The following LY9 variants were observed in gnomAD, a reference collection of about 807,000 sequenced individuals.
The protein encoded by LY9 is T-lymphocyte surface antigen Ly-9.
Under a neutral mutation model 64.6 loss-of-function variants are expected in LY9, and 59 were observed. The ratio of observed to expected loss-of-function variants is 0.91; its 90% CI spans 0.74 to 1.13. LY9 has a LOEUF of 1.13. LY9 is among the 50% of genes most tolerant of loss of function. LY9 has a pLI of 0.00. For synonymous variants in LY9, 281 were observed against 308.5 expected (o/e 0.91, Z 0.93); for missense variants, 789 against 797.2 (o/e 0.99, Z 0.12).
intron 2 of LY9, among the ~76,000 whole-genome samples, chr1:160,809,294 A>T (rs1173840187): frequency 1.3e-5 from 2 of 151,494 alleles, no homozygotes; most frequent in African/African-American, 4.9e-5. Context: ...AGCTGGGACT[A>T]CAGGTACTTG....
intron 2 of LY9, chr1:160,802,306 ACCCATTT>A (rs1396033142): frequency 1.0e-6 from 1 of 989,474 alleles, no homozygotes; most frequent in East Asian, 1.1e-4. Flanking sequence ...CGCACACTGC[ACCCATTT>A]CCTGGATGTC....
chr1:160,806,980 T>G (rs1667045914), intron 2 of LY9, among the ~76,000 whole-genome samples: 1 of 152,214 alleles, frequency 6.6e-6, no homozygotes, highest in Non-Finnish European at 1.5e-5. Context: ...GTCTTCAAGT[T>G]GTGAGATTCT....
rs139275537 is a variant in LY9 at position 160,824,498 on chromosome 1, C to T, written c.1899+249C>T. ...TATGTTGGTTATTTTTAACACTGACCTGAATGACAGCTTATACACTCAAAC... is the reference window on the plus strand; with the variant it reads ...TATGTTGGTTATTTTTAACACTGACTTGAATGACAGCTTATACACTCAAAC... On this transcript the variant is annotated intron_variant, in intron 9 of 9. Transcript: ENST00000263285. The T allele has an allele frequency of 1.5e-3, 1,514 of 985,034 alleles. 21 individuals carry two copies. The South Asian group carries it at 0.035, about 23-fold the overall frequency. The allele number at this position is 985,034 out of a possible 1,614,324, so 61.0% of individuals were successfully genotyped here. A position where few individuals can be genotyped will look rare whatever the true frequency, so the allele number is the denominator to read the frequency against.
rs542508935 is a variant in LY9, at chr1:160,797,482, T to G, written c.124+1171T>G. On this transcript the variant is annotated intron_variant, in intron 1 of 9. Transcript: ENST00000263285. ...GGCTGTTTATGTTTACCTCCAACCT[T>G]TGGGGTGTTCCTTGATTGTGTTGAG... Among the ~76,000 whole-genome samples, 204 of 152,302 alleles carry G rather than the reference T, an allele frequency of 1.3e-3. 9 individuals are homozygous for G. The South Asian group carries it at 0.041, about 31-fold the overall frequency.
At position 160,816,882 on chromosome 1, in the gene LY9, T is replaced by C. The variant is rs778962613; in HGVS notation, c.1342+19T>C. 6.2e-7 allele frequency: 1 copy of C among 1,613,772 alleles called. No homozygotes were observed. Among genetic ancestry groups the C allele is most frequent in the Admixed American group, 1.7e-5 (1 of 60,014 alleles). ...TGTTCAGGTTTCTCTCCATCTCTAT[T>C]TACTCAGGTCACAGGACCTTGGGGC... is the stretch of plus-strand genomic sequence containing the variant. On this transcript the variant is annotated intron_variant, in intron 5 of 9. Transcript: ENST00000263285.
chr1:160,801,735 T>A, intron 2 of LY9: 1 of 1,361,820 alleles, frequency 7.3e-7, no homozygotes, highest in Non-Finnish European at 1.0e-6. Flanking sequence ...TTTTATATGA[T>A]GAGAAATAGG....
intron 2 of LY9, among the ~76,000 whole-genome samples, chr1:160,801,284 A>AT (rs1460561173): frequency 6.6e-6 from 1 of 151,854 alleles, no homozygotes; most frequent in Non-Finnish European, 1.5e-5. Context: ...TCTCATTGTG[A>AT]TTTTGATTTG....
At chr1:160,802,599 T>G (rs1666608266) in intron 2 of LY9, 1 of 985,476 alleles carries the variant, frequency 1.0e-6, no homozygotes. Context: ...TAGCTGCCAG[T>G]GTACACGTGT....
In LY9 at chr1:160,809,453, C is replaced by T. The variant is rs535725097; in HGVS notation, c.455-4183C>T. ...CTCCTGGACTCAAGCTGTCCCCTTC[C>T]CTCAACCTCCCAAGTAGCTGGGACT... On this transcript the variant is annotated intron_variant, in intron 2 of 9. Transcript: ENST00000263285. Among the ~76,000 whole-genome samples, 125 of 152,052 alleles carry T rather than the reference C, an allele frequency of 8.2e-4. 1 individual carries two copies. Among genetic ancestry groups the T allele is most frequent in the Non-Finnish European group, 1.6e-3 (108 of 67,998 alleles).
At position 160,820,030 on chromosome 1, in the gene LY9, G is replaced by A. The variant is rs559709775; in HGVS notation, c.1498+656G>A. ...TCCTTAGAGATGGTCACCAGAGCTA[G>A]GAGAGGCAGTCTGTCCCCCAGGGTC... On this transcript the variant is annotated intron_variant, in intron 7 of 9. Transcript: ENST00000263285. Among the ~76,000 whole-genome samples the A allele has an allele frequency of 2.6e-5, 4 of 152,260 alleles. No individual in the cohort carries two copies. The South Asian group carries it at 8.3e-4, about 32-fold the overall frequency.
At chr1:160,796,435 C>A in intron 1 of LY9, 124 bp downstream of exon 1, 2 of 1,217,580 alleles carry the variant, frequency 1.6e-6, no homozygotes, top group Non-Finnish European at 2.3e-6. Flanking sequence ...ACTCTGTTGC[C>A]AGGCTGGAGT....
chr1:160,812,527 C>T (rs2101792457), intron 2 of LY9: 1 of 152,298 alleles, frequency 6.6e-6, no homozygotes, highest in South Asian at 2.1e-4. Context: ...ATCAACTCCA[C>T]ATGTGTTGAC....
intron 4 of LY9, among the ~76,000 whole-genome samples, chr1:160,816,339 T>A (rs958576940): frequency 2.6e-5 from 4 of 152,130 alleles, no homozygotes; most frequent in Non-Finnish European, 5.9e-5. Flanking sequence ...TAGAATGAGG[T>A]TGTGTCTTTC....
intron 1 of LY9, 143 bp downstream of exon 1, chr1:160,796,454 G>A (rs559955118): frequency 2.3e-5 from 23 of 1,011,466 alleles, no homozygotes; most frequent in African/African-American, 1.6e-4. Flanking sequence ...GTGAAGTGGC[G>A]CAATCTCGGC....
chr1:160,811,876 C>A (rs1667503803), intron 2 of LY9: 1 of 152,152 alleles, frequency 6.6e-6, no homozygotes, highest in Non-Finnish European at 1.5e-5. Context: ...ATGTTTCTAC[C>A]CAGAGTCTCT....
At chr1:160,815,694 C>T (rs913228117) in intron 4 of LY9, among the ~76,000 whole-genome samples, 1 of 152,204 alleles carries the variant, frequency 6.6e-6, no homozygotes, top group African/African-American at 2.4e-5. Context: ...CCCCAACCTG[C>T]ATTTTTATAA....
intron 1 of LY9, among the ~76,000 whole-genome samples, chr1:160,797,448 A>G (rs563116804): frequency 3.5e-4 from 53 of 152,330 alleles, no homozygotes; most frequent in African/African-American, 1.1e-3. Flanking sequence ...AACACACAGA[A>G]AGCAGCAAGG....
chr1:160,808,187 T>C (rs150756894), intron 2 of LY9, among the ~76,000 whole-genome samples: 8 of 152,286 alleles, frequency 5.3e-5, no homozygotes, highest in African/African-American at 1.7e-4. Flanking sequence ...CCCACTACTT[T>C]ACCCAGTCTC....
intron 5 of LY9, among the ~76,000 whole-genome samples, chr1:160,817,267 C>T (rs496201): frequency 0.56 from 85,208 of 151,992 alleles, 24,140 homozygotes; most frequent in South Asian, 0.75. Flanking sequence ...ATTCAGACTT[C>T]GTAAAATTTA....
Sources: allele counts gnomAD v4.1 joint callset (sites outside exome capture counted in the v4.1 genomes callset), GRCh38; gene constraint gnomAD v4.1.1; transcripts MANE v1.5; gene names NCBI Gene and HGNC (gene_info 2026-07-23, HGNC 2026-07-21).